Variants in PRDM16 observed in about 807,000 individuals in gnomAD.
The protein encoded by PRDM16 is PR/SET domain 16, also known as histone-lysine N-methyltransferase PRDM16.
Under a neutral mutation model 110.6 loss-of-function variants are expected in PRDM16, and 23 were observed. The observed-to-expected ratio is 0.21, with a 90% CI of 0.15 to 0.29. The LOEUF (loss-of-function observed/expected upper bound fraction) is 0.29. Ranked by LOEUF, PRDM16 falls within the 10% of genes least tolerant of loss-of-function variation. The probability of loss-of-function intolerance (pLI) is 1.00; values close to 1 mark genes in which losing one functional copy is unlikely to be tolerated. For synonymous variants in PRDM16, 799 were observed against 781.8 expected (o/e 1.02, Z -0.37); for missense variants, 1,615 against 1,794.3 (o/e 0.90, Z 1.81).
At chr1:3,235,749 G>C (rs1055175777) in intron 2 of PRDM16, among the ~76,000 whole-genome samples, 1 of 152,118 alleles carries the variant, frequency 6.6e-6, no homozygotes, top group Admixed American at 6.5e-5. Context: ...CGGGGTGTGG[G>C]GGGTCCCTGC....
chr1:3,369,113 C>T (rs1642867222), intron 3 of PRDM16, among the ~76,000 whole-genome samples: 1 of 152,124 alleles, frequency 6.6e-6, no homozygotes, highest in African/African-American at 2.4e-5. Context: ...TTGTGGGGGA[C>T]ACACTCTTAA....
chr1:3,231,442 G>A (rs1162989753), intron 2 of PRDM16, among the ~76,000 whole-genome samples: 5 of 152,378 alleles, frequency 3.3e-5, no homozygotes, highest in Admixed American at 6.5e-5. Flanking sequence ...GGTCAAGGCC[G>A]TCCCCCTGGG....
intron 3 of PRDM16, among the ~76,000 whole-genome samples, chr1:3,310,866 T>C (rs1409122538): frequency 6.6e-6 from 1 of 151,870 alleles, no homozygotes; most frequent in African/African-American, 2.4e-5. Context: ...TAAGTGTGTG[T>C]GCATGTGTGG....
At chr1:3,284,592 G>A (rs1569992329) in intron 3 of PRDM16, among the ~76,000 whole-genome samples, 1 of 152,322 alleles carries the variant, frequency 6.6e-6, no homozygotes, top group Admixed American at 6.5e-5. Flanking sequence ...GCAGGGAAAG[G>A]GGCGGCCAGG....
rs116533680 is a variant in PRDM16, at chr1:3,229,849, G to A, written c.388-14238G>A. Among the ~76,000 whole-genome samples, 1,515 of 152,332 alleles carry A rather than the reference G, an allele frequency of 9.9e-3. 25 individuals are homozygous for A. Among genetic ancestry groups the A allele is most frequent in the African/African-American group, 0.035 (1,440 of 41,570 alleles). On this transcript the variant is annotated intron_variant, in intron 2 of 16. Transcript: ENST00000270722. ...CCAGGCTCCATTCTCAGACACGGGC[G>A]GGAGGGAGAGTGGTTTGCTCTCTTC...
At chr1:3,186,631 C>T (rs893663522) in intron 2 of PRDM16, 157 bp downstream of exon 2, 9 of 570,748 alleles carry the variant, frequency 1.6e-5, no homozygotes, top group South Asian at 1.2e-4. Flanking sequence ...TCCTGCAGCT[C>T]GCCTGATGCG....
At chr1:3,386,346 G>A (rs1161845654) in intron 4 of PRDM16, among the ~76,000 whole-genome samples, 1 of 152,242 alleles carries the variant, frequency 6.6e-6, no homozygotes, top group Non-Finnish European at 1.5e-5. Context: ...CAAGGCTCTC[G>A]ACTTTACAGA....
chr1:3,244,077 T>C lies in PRDM16; in HGVS notation c.388-10T>C. On this transcript the variant is annotated splice_polypyrimidine_tract_variant and intron_variant, in intron 2 of 16. Coordinates refer to ENST00000270722, the MANE Select transcript of PRDM16 (RefSeq NM_022114.4). The surrounding 1 kb of genome is among the most constrained non-coding windows in gnomAD (Gnocchi z 4.1). ...AGAAACTAACAACCCCTCTCAAAAT[T>C]GTTTTGCAGCAAATACTGACGGACG... The C allele has an allele frequency of 6.2e-7, 1 of 1,613,928 alleles. No homozygotes were observed. Among genetic ancestry groups the C allele is most frequent in the South Asian group, 1.1e-5 (1 of 91,078 alleles).
chr1:3,397,470 C>T (rs1050136982), intron 5 of PRDM16, among the ~76,000 whole-genome samples: 4 of 152,240 alleles, frequency 2.6e-5, no homozygotes, highest in African/African-American at 9.6e-5. Flanking sequence ...GCCATGTGTC[C>T]GTTCCCCTAC....
intron 3 of PRDM16, among the ~76,000 whole-genome samples, chr1:3,331,224 G>A (rs77278952): frequency 0.021 from 3,176 of 152,214 alleles, 171 homozygotes; most frequent in East Asian, 0.11. Flanking sequence ...GGGAAGCTGC[G>A]CAACTTCTCC....
intron 3 of PRDM16, among the ~76,000 whole-genome samples, chr1:3,367,860 C>T (rs1201636012): frequency 2.6e-5 from 4 of 151,978 alleles, no homozygotes; most frequent in African/African-American, 9.7e-5. Flanking sequence ...AGCTTGTCTT[C>T]AAAAGAAGGC....
chr1:3,419,467 A>T (rs1638371194), intron 12 of PRDM16, among the ~76,000 whole-genome samples: 1 of 152,170 alleles, frequency 6.6e-6, no homozygotes, highest in African/African-American at 2.4e-5. Context: ...AGGCTCAGAG[A>T]TGCCCCATGA....
intron 3 of PRDM16, among the ~76,000 whole-genome samples, chr1:3,379,585 C>G (rs1429904848): frequency 1.5e-4 from 2 of 13,498 alleles, no homozygotes; most frequent in East Asian, 2.0e-3. Context: ...TCCCAACACA[C>G]CCCTCCCAGC....
intron 1 of PRDM16, among the ~76,000 whole-genome samples, chr1:3,114,637 T>C (rs1030307912): frequency 6.6e-6 from 1 of 150,722 alleles, no homozygotes; most frequent in East Asian, 2.0e-4. Flanking sequence ...CACACACATA[T>C]GTGCAAGCAC....
chr1:3,364,953 G>A (rs1202204741), intron 3 of PRDM16, among the ~76,000 whole-genome samples: 1 of 152,154 alleles, frequency 6.6e-6, no homozygotes, highest in African/African-American at 2.4e-5. Flanking sequence ...TCATTCCCTC[G>A]TGCAGCCTGG....
intron 1 of PRDM16, among the ~76,000 whole-genome samples, chr1:3,079,283 A>G (rs1316435006): frequency 2.0e-5 from 3 of 152,048 alleles, no homozygotes; most frequent in Non-Finnish European, 4.4e-5. Context: ...TTCCAGCCTC[A>G]CATCAGAGGG....
chr1:3,298,567 G>A (rs540318055), intron 3 of PRDM16, among the ~76,000 whole-genome samples: 1 of 152,212 alleles, frequency 6.6e-6, no homozygotes, highest in Non-Finnish European at 1.5e-5. Flanking sequence ...CACATTGTGA[G>A]TCCTCAACAA....
chr1:3,427,319 G>A (rs926096196), intron 14 of PRDM16, among the ~76,000 whole-genome samples: 8 of 152,322 alleles, frequency 5.3e-5, no homozygotes, highest in Admixed American at 1.3e-4. Flanking sequence ...GGCCTGAGGG[G>A]GTGATCCCCT....
At chr1:3,196,095 AC>A (rs1476806005) in intron 2 of PRDM16, among the ~76,000 whole-genome samples, 5 of 152,154 alleles carry the variant, frequency 3.3e-5, no homozygotes, top group Non-Finnish European at 4.4e-5. Flanking sequence ...CCGCTCAGTG[AC>A]CCCAGCAGGA....
Sources: gnomAD v4.1 joint callset for allele counts (sites outside exome capture counted in the v4.1 genomes callset) on GRCh38, gnomAD v4.1.1 for gene constraint, Gnocchi (gnomAD v3.1) non-coding constraint, MANE v1.5 for transcripts, NCBI Gene and HGNC (gene_info 2026-07-23, HGNC 2026-07-21) for gene names.